The following OTUD7B variants were observed in gnomAD, a reference collection of about 807,000 sequenced individuals.
OTUD7B encodes OTU domain-containing protein 7B.
In OTUD7B, 34 loss-of-function variants were observed where a neutral mutation model predicts 82.2. The observed-to-expected ratio is 0.41, with a 90% CI of 0.31 to 0.55. The LOEUF (loss-of-function observed/expected upper bound fraction) is 0.55. Among genes scored for constraint, OTUD7B ranks in the 20% least tolerant of loss-of-function variants. The probability of loss-of-function intolerance (pLI) is 0.20; values close to 1 mark genes in which losing one functional copy is unlikely to be tolerated. For synonymous variants in OTUD7B, 398 were observed against 402.7 expected, an observed-to-expected ratio of 0.99 and a Z score of 0.14; for missense variants, 944 against 1,062.1, an observed-to-expected ratio of 0.89 and a Z score of 1.55.
At chr1:149,968,522 A>C (rs587736067) in intron 3 of OTUD7B, among the ~76,000 whole-genome samples, 5 of 152,266 alleles carry the variant, frequency 3.3e-5, no homozygotes, top group Admixed American at 6.5e-5. Context: ...AATTTGCTCA[A>C]TGTAGTATTA....
At chr1:150,060,177 G>C in the OTUD7B span, among the ~76,000 whole-genome samples, 2 of 152,206 alleles carry the variant, frequency 1.3e-5, no homozygotes, top group Non-Finnish European at 2.9e-5. Flanking sequence ...GTGACATCTA[G>C]GGCTGAAGGA....
chr1:150,049,651 T>TTTG, the OTUD7B span, among the ~76,000 whole-genome samples: 2 of 148,328 alleles, frequency 1.3e-5, no homozygotes, highest in Non-Finnish European at 3.0e-5. Flanking sequence ...TTTTTTTTTT[T>TTTG]TGAGACAGGC....
chr1:150,014,963 A>T (rs1653225183), upstream of OTUD7B, among the ~76,000 whole-genome samples: 1 of 152,220 alleles, frequency 6.6e-6, no homozygotes, highest in Non-Finnish European at 1.5e-5. Context: ...TAACCAGGTT[A>T]AACATTTACA....
the OTUD7B span, among the ~76,000 whole-genome samples, chr1:150,021,175 A>C: frequency 5.9e-5 from 9 of 152,056 alleles, no homozygotes; most frequent in African/African-American, 2.2e-4. Flanking sequence ...AATGAGTCAG[A>C]TTTTTCCCCC....
the OTUD7B span, among the ~76,000 whole-genome samples, chr1:150,055,828 A>C: frequency 6.6e-6 from 1 of 152,220 alleles, no homozygotes; most frequent in Non-Finnish European, 1.5e-5. Flanking sequence ...GCAGAAGCTA[A>C]ATGATGAGAA....
intron 1 of OTUD7B, among the ~76,000 whole-genome samples, chr1:149,999,741 T>C (rs1441320901): frequency 2.0e-5 from 3 of 152,170 alleles, no homozygotes; most frequent in Non-Finnish European, 2.9e-5. Context: ...GTTAGCATCA[T>C]TGTATTTTCC....
chr1:149,961,666 A>G (rs1553775657), intron 6 of OTUD7B: 1 of 152,236 alleles, frequency 6.6e-6, no homozygotes. Context: ...ATTAACTGCT[A>G]TAGAGACGTC....
At position 149,941,055 on chromosome 1, in the gene OTUD7B, A is replaced by G. The variant is rs1647228214; in HGVS notation, c.*2802T>C. On this transcript the variant is annotated 3_prime_UTR_variant, in exon 12 of 12. Transcript: ENST00000581312. Reference sequence around the variant, plus strand: ...TTCTTAATAAAAAGCTATAAGGCCTAAAGCCCCATTTTACCATATTCACCC... The same window carrying G: ...TTCTTAATAAAAAGCTATAAGGCCTGAAGCCCCATTTTACCATATTCACCC... The G allele has an allele frequency of 6.6e-6, 1 of 152,208 alleles. No individual in the cohort carries two copies. The highest frequency in any genetic ancestry group is 2.1e-4 in the South Asian group (1 of 4,824). The allele number at this position is 152,208 out of a possible 1,614,324, so 9.4% of individuals were successfully genotyped here.
At chr1:150,025,110 G>A in the OTUD7B span, among the ~76,000 whole-genome samples, 1 of 151,368 alleles carries the variant, frequency 6.6e-6, no homozygotes, top group African/African-American at 2.4e-5. Flanking sequence ...AACTGAGTTA[G>A]AGAAGATAAA....
rs587614079 is a variant in OTUD7B, at chr1:149,969,136, AAC to A, written c.275-1617_275-1616del. Among the ~76,000 whole-genome samples the A allele has an allele frequency of 2.0e-5, 3 of 152,260 alleles. No individual in the cohort carries two copies. In the South Asian group the frequency reaches 6.2e-4, roughly 32 times the overall value. ...CCCAGGAATTCGAGACCACCTGGGCAACAGAGTGAGACCTAATTTCTACAAAG... is the reference window on the plus strand; with the variant it reads ...CCCAGGAATTCGAGACCACCTGGGCAAGAGTGAGACCTAATTTCTACAAAG... On this transcript the variant is annotated intron_variant, in intron 3 of 11. Coordinates refer to ENST00000581312, the MANE Select transcript of OTUD7B (RefSeq NM_020205.4).
the OTUD7B span, among the ~76,000 whole-genome samples, chr1:150,032,376 C>G: frequency 1.3e-5 from 2 of 149,660 alleles, no homozygotes; most frequent in African/African-American, 2.5e-5. Context: ...AGACTGTAGT[C>G]CAGCACTTTT....
At chr1:150,051,342 T>C in the OTUD7B span, among the ~76,000 whole-genome samples, 75 of 152,134 alleles carry the variant, frequency 4.9e-4, no homozygotes, top group African/African-American at 1.6e-3. Flanking sequence ...AATTCCATGA[T>C]ATTTTTCTCA....
chr1:150,005,595 A>G (rs1175036805), intron 1 of OTUD7B, among the ~76,000 whole-genome samples: 1 of 152,186 alleles, frequency 6.6e-6, no homozygotes, highest in African/African-American at 2.4e-5. Flanking sequence ...TGGAGAAGAA[A>G]AAAAAGGGAT....
intron 3 of OTUD7B, among the ~76,000 whole-genome samples, chr1:149,969,798 C>T (rs1244849396): frequency 6.6e-6 from 1 of 152,080 alleles, no homozygotes; most frequent in Non-Finnish European, 1.5e-5. Context: ...GCCTCCTGGG[C>T]TTAAGCAAGT....
In OTUD7B at chr1:149,944,824, C is replaced by T. The variant is rs199797117; in HGVS notation, c.1565G>A (p.Gly522Glu). 20 of 1,614,184 alleles carry T rather than the reference C, an allele frequency of 1.2e-5. No homozygotes were observed. The highest frequency in any genetic ancestry group is 3.3e-5 in the Admixed American group (2 of 60,026). ...TLGSKLKKNM[G>E]GLMHSKGSKP... ...TGAACCCTTGCTGTGCATCAGGCCC[C>T]CCATGTTCTTCTTGAGCTTGCTGCC... is the stretch of plus-strand genomic sequence containing the variant. Residue 522 changes from glycine (G) to glutamate (E), a missense_variant, in exon 12 of 12, where the codon GGG becomes GAG. Around this residue, in one of 3 missense-constraint regions of OTUD7B, gnomAD observed 412 missense variants for 418.7 expected, o/e 0.98. Coordinates refer to ENST00000581312, the MANE Select transcript of OTUD7B (RefSeq NM_020205.4).
chr1:150,046,932 A>G, the OTUD7B span, among the ~76,000 whole-genome samples: 3 of 151,910 alleles, frequency 2.0e-5, no homozygotes, highest in South Asian at 2.1e-4. Context: ...TTAATTGGAC[A>G]TGGTGGCAGG....
chr1:150,054,916 C>A, the OTUD7B span: 1 of 268,472 alleles, frequency 3.7e-6, no homozygotes, highest in South Asian at 4.6e-5. Context: ...CAAGATTGAT[C>A]AAAAAGCTGT....
chr1:150,010,102 T>C (rs1340770570), intron 1 of OTUD7B, among the ~76,000 whole-genome samples: 1 of 152,172 alleles, frequency 6.6e-6, no homozygotes, highest in African/African-American at 2.4e-5. Context: ...GTGGGGATAA[T>C]ACACTGCATC....
intron 2 of OTUD7B, among the ~76,000 whole-genome samples, chr1:149,976,401 C>T (rs1394191044): frequency 6.6e-6 from 1 of 150,968 alleles, no homozygotes; most frequent in Admixed American, 6.6e-5. Context: ...CACCTGAGGT[C>T]GGGAGTTCGA....
Sources: allele counts gnomAD v4.1 joint callset (sites outside exome capture counted in the v4.1 genomes callset), GRCh38; gene constraint gnomAD v4.1.1; regional missense constraint gnomAD v4.1.1; transcripts MANE v1.5; gene names NCBI Gene and HGNC (gene_info 2026-07-23, HGNC 2026-07-21).